Variants in DIAPH1 observed in about 807,000 individuals in gnomAD.
DIAPH1 encodes protein diaphanous homolog 1.
DIAPH1 carries 46 observed loss-of-function variants against 140.7 expected under a neutral mutation model. The ratio of observed to expected loss-of-function variants is 0.33; its 90% confidence interval spans 0.26 to 0.42. DIAPH1 has a LOEUF of 0.42. Ranked by LOEUF, DIAPH1 falls within the 10% of genes least tolerant of loss-of-function variation. The pLI, the probability that DIAPH1 is intolerant of heterozygous loss-of-function variation, is 1.00. For missense variants in DIAPH1, 1,310 were observed against 1,558.7 expected (o/e 0.84, Z 2.69); for synonymous variants, 565 against 551.6 (o/e 1.02, Z -0.34).
At chr5:141,530,099 G>A (rs961218063) in intron 19 of DIAPH1, among the ~76,000 whole-genome samples, 6 of 152,086 alleles carry the variant, frequency 3.9e-5, no homozygotes, top group South Asian at 4.2e-4. Context: ...GTATATATAC[G>A]TCAAAGACTT....
chr5:141,554,602 G>A (rs1359577849), intron 18 of DIAPH1, among the ~76,000 whole-genome samples: 9 of 152,018 alleles, frequency 5.9e-5, no homozygotes, highest in Non-Finnish European at 1.3e-4. Flanking sequence ...TGAAAGAACA[G>A]TATCAAAAAA....
chr5:141,560,165 G>A (rs550502055), intron 18 of DIAPH1, among the ~76,000 whole-genome samples: 3 of 152,276 alleles, frequency 2.0e-5, no homozygotes, highest in South Asian at 2.1e-4. Context: ...ATACTGTACT[G>A]GTTGATAAAA....
chr5:141,574,164 C>T lies in DIAPH1; in HGVS notation c.1686G>A (p.Met562Ile), dbSNP rs749465365. The change falls in exon 16 of 28, where the codon ATG becomes ATA. Residue 562 changes from methionine (M) to isoleucine (I), a missense_variant. Around this residue, in one of 3 missense-constraint regions of DIAPH1, gnomAD observed 589 missense variants for 549.3 expected, o/e 1.07. Coordinates refer to ENST00000389054, the MANE Select transcript of DIAPH1 (RefSeq NM_005219.5). ...TAATAGCTGCCGCAGAGAGGGAAGC[C>T]ATTTCTTTCTTGGCATCTTCCAGTT... is the stretch of plus-strand genomic sequence containing the variant. ...TKELEDAKKE[M>I]ASLSAAAITV... 3 of 1,614,118 alleles carry T rather than the reference C, an allele frequency of 1.9e-6. No homozygotes were observed. The highest frequency in any genetic ancestry group is 2.2e-5 in the East Asian group (1 of 44,880).
At chr5:141,530,400 A>C (rs1337502910) in intron 19 of DIAPH1, among the ~76,000 whole-genome samples, 4 of 151,996 alleles carry the variant, frequency 2.6e-5, no homozygotes, top group African/African-American at 9.7e-5. Flanking sequence ...TATTACTCCT[A>C]CTATTACCTT....
intron 4 of DIAPH1, 109 bp downstream of exon 4, chr5:141,584,015 A>G: frequency 1.4e-6 from 1 of 718,108 alleles, no homozygotes; most frequent in Admixed American, 2.2e-5. Flanking sequence ...TAATGGAATG[A>G]AACAGAATTG....
chr5:141,599,089 T>C (rs2099899753), intron 1 of DIAPH1, among the ~76,000 whole-genome samples: 3 of 152,186 alleles, frequency 2.0e-5, no homozygotes, highest in Admixed American at 2.0e-4. Context: ...AAGCATGGTC[T>C]CTTGGCACAG....
Position 141,572,539 on chromosome 5 carries a change from C to T in DIAPH1, c.2359-499G>A, listed in dbSNP as rs142921160. Among the ~76,000 whole-genome samples, 6 of 152,290 alleles carry T rather than the reference C, an allele frequency of 3.9e-5. No individual in the cohort carries two copies. In the East Asian group the frequency reaches 7.7e-4, roughly 20 times the overall value. On this transcript the variant is annotated intron_variant, in intron 16 of 27. Transcript: ENST00000389054. The stretch of plus-strand genomic sequence containing the variant: ...TATGTAGGCCAGGTGTGGTGGCTCA[C>T]GTCTGTAATCCCAGCACTCTGGGAG...
chr5:141,610,124 C>T (rs901366136), intron 1 of DIAPH1, among the ~76,000 whole-genome samples: 2 of 151,720 alleles, frequency 1.3e-5, no homozygotes, highest in African/African-American at 2.4e-5. Context: ...ATAGTGAGAC[C>T]CCATTTCTTT....
At chr5:141,615,774 T>C (rs2099902595) in intron 1 of DIAPH1, among the ~76,000 whole-genome samples, 1 of 152,148 alleles carries the variant, frequency 6.6e-6, no homozygotes. Context: ...TCGCTAATGC[T>C]CCTAGTTAAA....
At chr5:141,566,961 T>C (rs1281938045) in intron 18 of DIAPH1, among the ~76,000 whole-genome samples, 1 of 151,860 alleles carries the variant, frequency 6.6e-6, no homozygotes, top group Non-Finnish European at 1.5e-5. Context: ...AAAGTGGTAT[T>C]GAGAGAAAAC....
chr5:141,516,810 T>C lies in DIAPH1; in HGVS notation c.*41A>G. On this transcript the variant is annotated 3_prime_UTR_variant, in exon 28 of 28. Transcript: ENST00000389054. ...GCACATGCTGCAGGGCAGGACAGTC[T>C]GCGGCTCCGCTGAGGAGCTGCCGCG... 6.2e-7 allele frequency: 1 copy of C among 1,612,152 alleles called. No individual in the cohort carries two copies. The highest frequency in any genetic ancestry group is 8.5e-7 in the Non-Finnish European group (1 of 1,179,404).
rs1417817156 is a variant in DIAPH1, at chr5:141,516,192, T to C, written c.*659A>G. 8.8e-5 allele frequency: 14 copies of C among 158,934 alleles called. No individual in the cohort carries two copies. The highest frequency in any genetic ancestry group is 8.2e-4 in the Admixed American group (14 of 17,070). The allele number at this position is 158,934 out of a possible 1,614,324, so 9.8% of individuals were successfully genotyped here. ...ACACTGTCGCTATGCCCTGCCTGCCTGCCCACAGGCTCTGGCCTGGGCCAC... is the reference window on the plus strand; with the variant it reads ...ACACTGTCGCTATGCCCTGCCTGCCCGCCCACAGGCTCTGGCCTGGGCCAC... On this transcript the variant is annotated 3_prime_UTR_variant, in exon 28 of 28. Transcript: ENST00000389054.
At chr5:141,563,932 A>T (rs2099893975) in intron 18 of DIAPH1, 1 of 152,210 alleles carries the variant, frequency 6.6e-6, no homozygotes, top group Non-Finnish European at 1.5e-5. Context: ...AGTTATCCAT[A>T]TATAATGTGG....
At chr5:141,583,801 A>G (rs2099897128) in intron 4 of DIAPH1, among the ~76,000 whole-genome samples, 186 bp from the exon 5 acceptor site, 1 of 152,104 alleles carries the variant, frequency 6.6e-6, no homozygotes, top group Non-Finnish European at 1.5e-5. Flanking sequence ...TCAGCCTCCC[A>G]AAGTGCTCAG....
chr5:141,524,710 A>G, intron 26 of DIAPH1: 1 of 246,830 alleles, frequency 4.1e-6, no homozygotes, highest in Non-Finnish European at 8.1e-6. Flanking sequence ...AGTCTTCCTG[A>G]TGTCTAAGTC....
chr5:141,578,440 T>C, intron 10 of DIAPH1, 75 bp downstream of exon 10: 3 of 1,539,036 alleles, frequency 1.9e-6, no homozygotes, highest in Non-Finnish European at 2.7e-6. Context: ...AAAACCAGAA[T>C]TATCCCCGGG....
chr5:141,607,185 A>T (rs2099901116), intron 1 of DIAPH1, among the ~76,000 whole-genome samples: 1 of 152,244 alleles, frequency 6.6e-6, no homozygotes, highest in Non-Finnish European at 1.5e-5. Context: ...AATACTTCAA[A>T]TAAGTATGCA....
At chr5:141,618,555 T>G in intron 1 of DIAPH1, 3 of 404,048 alleles carry the variant, frequency 7.4e-6, no homozygotes, top group Admixed American at 4.7e-5. Flanking sequence ...GAGGGCAGAA[T>G]GTAAGGGCTG....
chr5:141,580,667 C>T, intron 8 of DIAPH1, 77 bp downstream of exon 8: 2 of 1,483,668 alleles, frequency 1.3e-6, no homozygotes, highest in South Asian at 2.3e-5. Context: ...GGACACCCAA[C>T]CAACTCAATT....
Sources: allele counts gnomAD v4.1 joint callset (sites outside exome capture counted in the v4.1 genomes callset), GRCh38; gene constraint gnomAD v4.1.1; regional missense constraint gnomAD v4.1.1; transcripts MANE v1.5; gene names NCBI Gene and HGNC (gene_info 2026-07-23, HGNC 2026-07-21).